MGAT5: variants seen among roughly 807,000 people sequenced by gnomAD.
MGAT5 encodes alpha-1,6-mannosylglycoprotein 6-beta-N-acetylglucosaminyltransferase.
Under a neutral mutation model 94.3 loss-of-function variants are expected in MGAT5, and 30 were observed. The ratio of observed to expected loss-of-function variants is 0.32; its 90% CI spans 0.24 to 0.43. The LOEUF (loss-of-function observed/expected upper bound fraction) is 0.43, where lower values mean the gene tolerates loss of function less well. MGAT5 is among the 20% of genes least tolerant of loss of function. The probability of loss-of-function intolerance (pLI) is 1.00; values close to 1 mark genes in which losing one functional copy is unlikely to be tolerated. For synonymous variants in MGAT5, 310 were observed against 322.9 expected, an observed-to-expected ratio of 0.96 and a Z score of 0.43; for missense variants, 691 against 905.5, an observed-to-expected ratio of 0.76 and a Z score of 3.04.
At chr2:134,367,687 G>T (rs890272809) in intron 10 of MGAT5, among the ~76,000 whole-genome samples, 1 of 152,220 alleles carries the variant, frequency 6.6e-6, no homozygotes, top group African/African-American at 2.4e-5. Flanking sequence ...GTTCTTGATT[G>T]TATTCTTCTG....
chr2:134,230,094 G>T (rs1199302728), intron 1 of MGAT5, among the ~76,000 whole-genome samples: 7 of 152,190 alleles, frequency 4.6e-5, no homozygotes, highest in Non-Finnish European at 1.0e-4. Flanking sequence ...ACCAGGGACT[G>T]GTTTCATGGC....
intron 1 of MGAT5, among the ~76,000 whole-genome samples, chr2:134,255,460 T>TATATATACATATATATAC (rs1359615310): frequency 2.0e-5 from 3 of 148,398 alleles, no homozygotes; most frequent in Admixed American, 6.7e-5. Context: ...CACACAAATA[T>TATATATACATATATATAC]ATATATACAT....
chr2:134,375,382 G>A (rs756710487), intron 10 of MGAT5, among the ~76,000 whole-genome samples: 1 of 152,166 alleles, frequency 6.6e-6, no homozygotes, highest in African/African-American at 2.4e-5. Context: ...ATACATTTAT[G>A]TTGGTGTGGT....
chr2:134,292,399 G>A (rs1295273602), intron 2 of MGAT5, among the ~76,000 whole-genome samples: 1 of 152,160 alleles, frequency 6.6e-6, no homozygotes, highest in African/African-American at 2.4e-5. Context: ...GGAGTGGTTT[G>A]ATTCGGGTCC....
chr2:134,251,756 T>C (rs1682616300), upstream of MGAT5, among the ~76,000 whole-genome samples: 1 of 152,204 alleles, frequency 6.6e-6, no homozygotes, highest in South Asian at 2.1e-4. Context: ...ATTATTACTT[T>C]TGTGGTGAGA....
At chr2:134,408,609 A>C (rs775739064) in intron 11 of MGAT5, among the ~76,000 whole-genome samples, 5 of 152,100 alleles carry the variant, frequency 3.3e-5, no homozygotes, top group African/African-American at 2.4e-5. Flanking sequence ...TCTTCCCTAG[A>C]GAGTCTTCAG....
At chr2:134,200,379 T>G (rs1013666276) in intron 1 of MGAT5, among the ~76,000 whole-genome samples, 1 of 152,220 alleles carries the variant, frequency 6.6e-6, no homozygotes, top group Non-Finnish European at 1.5e-5. Flanking sequence ...TTCTGGAAAT[T>G]TCTCTCATGT....
intron 2 of MGAT5, among the ~76,000 whole-genome samples, chr2:134,302,574 C>T (rs1487144281): frequency 6.6e-6 from 1 of 152,008 alleles, no homozygotes; most frequent in Admixed American, 6.6e-5. Flanking sequence ...TTTATTATTT[C>T]TTGCCATACA....
chr2:134,203,486 A>G (rs1679891556), intron 1 of MGAT5, among the ~76,000 whole-genome samples: 1 of 152,084 alleles, frequency 6.6e-6, no homozygotes, highest in South Asian at 2.1e-4. Context: ...TGATTTTTAC[A>G]TTAAATGTTT....
chr2:134,230,966 T>C (rs75731401), intron 1 of MGAT5, among the ~76,000 whole-genome samples: 1,694 of 152,292 alleles, frequency 0.011, 22 homozygotes, highest in African/African-American at 0.037. Flanking sequence ...GTAAACAAAA[T>C]GAAGCACTGA....
intron 2 of MGAT5, among the ~76,000 whole-genome samples, chr2:134,280,291 C>A (rs1253942609): frequency 1.3e-5 from 2 of 152,112 alleles, no homozygotes; most frequent in Non-Finnish European, 2.9e-5. Context: ...CAGAAATAAT[C>A]TTCATCTCAC....
At chr2:134,341,131 A>G (rs1363162013) in intron 6 of MGAT5, among the ~76,000 whole-genome samples, 2 of 152,178 alleles carry the variant, frequency 1.3e-5, no homozygotes, top group Non-Finnish European at 2.9e-5. Context: ...GGGGGTATAG[A>G]TTAAATATGC....
chr2:134,308,463 A>T lies in MGAT5; in HGVS notation c.407-9066A>T, dbSNP rs1265697487. On this transcript the variant is annotated intron_variant, in intron 2 of 15. Transcript: ENST00000281923. Reference sequence around the variant, plus strand: ...ATTTTGCTGGCTCATCGCATGTCCCATCTACTAGCCCATGGAAAGTGTATA... The same window carrying T: ...ATTTTGCTGGCTCATCGCATGTCCCTTCTACTAGCCCATGGAAAGTGTATA... Among the ~76,000 whole-genome samples the T allele has an allele frequency of 2.6e-5, 4 of 152,290 alleles. No individual in the cohort carries two copies. The East Asian group carries it at 7.7e-4, about 29-fold the overall frequency.
chr2:134,169,820 G>A (rs1406077825), intron 1 of MGAT5, among the ~76,000 whole-genome samples: 1 of 152,172 alleles, frequency 6.6e-6, no homozygotes, highest in Non-Finnish European at 1.5e-5. Context: ...CAGGTGTTTT[G>A]CAAATGAACA....
In MGAT5 at chr2:134,280,704, G is replaced by A. The variant is rs1684638329; in HGVS notation, c.406+10154G>A. 3.9e-5 allele frequency among the ~76,000 whole-genome samples: 6 copies of A among 152,304 alleles called. No homozygotes were observed. The South Asian group carries it at 1.2e-3, about 32-fold the overall frequency. On this transcript the variant is annotated intron_variant, in intron 2 of 15. Coordinates refer to ENST00000281923, the MANE Select transcript of MGAT5 (RefSeq NM_002410.5). ...AGCAGCCACATGATTATGGGACCCTGGATAAACCCAGTCAGTTTCCTCATT... is the reference window on the plus strand; with the variant it reads ...AGCAGCCACATGATTATGGGACCCTAGATAAACCCAGTCAGTTTCCTCATT...
At chr2:134,168,116 C>A (rs1040593200) in intron 1 of MGAT5, among the ~76,000 whole-genome samples, 1 of 152,198 alleles carries the variant, frequency 6.6e-6, no homozygotes, top group African/African-American at 2.4e-5. Context: ...TTTATTGTTG[C>A]ATTAAAGCAA....
At chr2:134,202,479 G>A (rs1465420512) in intron 1 of MGAT5, among the ~76,000 whole-genome samples, 1 of 152,238 alleles carries the variant, frequency 6.6e-6, no homozygotes, top group African/African-American at 2.4e-5. Context: ...CCAGAGCTAT[G>A]AGCAGTAAAT....
At chr2:134,427,956 G>C (rs1473317727) in intron 13 of MGAT5, among the ~76,000 whole-genome samples, 1 of 152,140 alleles carries the variant, frequency 6.6e-6, no homozygotes, top group Admixed American at 6.5e-5. Context: ...GTGCCACACT[G>C]TGCTCATCAC....
At chr2:134,401,993 G>T (rs1159883651) in intron 10 of MGAT5, among the ~76,000 whole-genome samples, 1 of 152,204 alleles carries the variant, frequency 6.6e-6, no homozygotes, top group Non-Finnish European at 1.5e-5. Context: ...CCACACCCCT[G>T]TGTCCCTTGT....
Sources: gnomAD v4.1 joint callset for allele counts (sites outside exome capture counted in the v4.1 genomes callset) on GRCh38, gnomAD v4.1.1 for gene constraint, MANE v1.5 for transcripts, NCBI Gene and HGNC (gene_info 2026-07-23, HGNC 2026-07-21) for gene names.